CAMTA1: variants seen among roughly 807,000 people sequenced by gnomAD.
CAMTA1 encodes the protein calmodulin-binding transcription activator 1.
A neutral mutation model predicts 170.9 loss-of-function variants in CAMTA1; 27 were observed. The ratio of observed to expected loss-of-function variants is 0.16; its 90% CI spans 0.12 to 0.22. The LOEUF (loss-of-function observed/expected upper bound fraction) is 0.22, where lower values mean the gene tolerates loss of function less well. CAMTA1 is among the 10% of genes least tolerant of loss of function. The pLI is 1.00. For synonymous variants in CAMTA1, 833 were observed against 891.5 expected (o/e 0.93, Z 1.17); for missense variants, 1,619 against 2,217.2 (o/e 0.73, Z 5.42).
At chr1:7,225,056 G>A (rs1661452347) in intron 4 of CAMTA1, among the ~76,000 whole-genome samples, 1 of 152,082 alleles carries the variant, frequency 6.6e-6, no homozygotes, top group South Asian at 2.1e-4. Flanking sequence ...GGGCACTGGA[G>A]CCTGGGGCAA....
intron 5 of CAMTA1, among the ~76,000 whole-genome samples, chr1:7,298,926 G>T (rs1399443817): frequency 6.6e-6 from 1 of 152,102 alleles, no homozygotes; most frequent in Non-Finnish European, 1.5e-5. Context: ...TTCCCTTGCC[G>T]ACCAGACCCA....
chr1:7,303,422 A>G (rs1675095184), intron 5 of CAMTA1, among the ~76,000 whole-genome samples: 1 of 152,198 alleles, frequency 6.6e-6, no homozygotes, highest in Admixed American at 6.5e-5. Flanking sequence ...ACATGCACAA[A>G]TATGTTTATG....
chr1:6,798,298 A>G (rs1300955888), intron 1 of CAMTA1, among the ~76,000 whole-genome samples: 1 of 152,146 alleles, frequency 6.6e-6, no homozygotes. Context: ...TAAAAAAGGA[A>G]TATTTAATGG....
intron 4 of CAMTA1, among the ~76,000 whole-genome samples, chr1:7,177,998 C>T (rs1651311458): frequency 6.6e-6 from 1 of 152,094 alleles, no homozygotes; most frequent in Admixed American, 6.5e-5. Flanking sequence ...GAGGCTCCTC[C>T]TACACACTGA....
chr1:7,431,152 C>T (rs548179049), intron 5 of CAMTA1, among the ~76,000 whole-genome samples: 3 of 152,266 alleles, frequency 2.0e-5, no homozygotes, highest in South Asian at 2.1e-4. Flanking sequence ...GGCTTTCTGC[C>T]GACTCAGAGA....
At chr1:6,861,577 A>G (rs1280741450) in intron 3 of CAMTA1, among the ~76,000 whole-genome samples, 4 of 152,158 alleles carry the variant, frequency 2.6e-5, no homozygotes, top group African/African-American at 7.2e-5. Context: ...CGTGTAACCC[A>G]TTTACATTGA....
At chr1:7,020,437 C>T (rs754092772) in intron 3 of CAMTA1, among the ~76,000 whole-genome samples, 1 of 152,178 alleles carries the variant, frequency 6.6e-6, no homozygotes, top group Non-Finnish European at 1.5e-5. Context: ...GAGGCTATCC[C>T]CTCTAGGTTT....
chr1:7,661,809 A>G lies in CAMTA1; in HGVS notation c.748A>G (p.Ser250Gly), dbSNP rs1172774867. Residue 250 changes from serine to glycine, a missense_variant, in exon 8 of 23, where the codon AGC becomes GGC. Around this residue, in one of 8 missense-constraint regions of CAMTA1, gnomAD observed 731 missense variants for 907.6 expected, o/e 0.81. Coordinates refer to ENST00000303635, the MANE Select transcript of CAMTA1 (RefSeq NM_015215.4). The part of the protein sequence containing the change: ...VEQLVQQILD[S>G]HQTKPQPRTH... ...ACAGCTGGTGCAGCAGATCCTCGACAGCCACCAGACCAAGCCCCAGCCGCG... is the reference window on the plus strand; with the variant it reads ...ACAGCTGGTGCAGCAGATCCTCGACGGCCACCAGACCAAGCCCCAGCCGCG... The G allele has an allele frequency of 6.8e-6, 11 of 1,613,450 alleles. No homozygotes were observed. Among genetic ancestry groups the G allele is most frequent in the Non-Finnish European group, 9.3e-6 (11 of 1,179,960 alleles).
chr1:7,131,327 T>A lies in CAMTA1; in HGVS notation c.302+39956T>A, dbSNP rs151191576. Among the ~76,000 whole-genome samples, 102 of 152,256 alleles carry A rather than the reference T, an allele frequency of 6.7e-4. 1 individual carries two copies. Among genetic ancestry groups the A allele is most frequent in the Admixed American group, 1.1e-3 (17 of 15,284 alleles). On this transcript the variant is annotated intron_variant, in intron 4 of 22. Transcript: ENST00000303635. ...TCGGTGAAGTAAAATTTGTTGACTA[T>A]TTTTTCATGGTTCATGCTTTTGGCA...
At chr1:7,516,471 G>T (rs1358038806) in intron 6 of CAMTA1, among the ~76,000 whole-genome samples, 1 of 152,216 alleles carries the variant, frequency 6.6e-6, no homozygotes, top group Non-Finnish European at 1.5e-5. Context: ...CCCTCTGCTG[G>T]CTGGGAGAAG....
chr1:6,868,428 C>T, intron 3 of CAMTA1, among the ~76,000 whole-genome samples: 1 of 151,780 alleles, frequency 6.6e-6, no homozygotes, highest in African/African-American at 2.4e-5. Flanking sequence ...CTCCTTTTAG[C>T]TTCTATGACT....
At chr1:7,244,318 C>T (rs181373522) in intron 4 of CAMTA1, among the ~76,000 whole-genome samples, 44 of 152,248 alleles carry the variant, frequency 2.9e-4, no homozygotes, top group African/African-American at 9.9e-4. Flanking sequence ...TCAACCATTG[C>T]GGAAGTCGGT....
At chr1:7,490,562 G>T (rs2093687911) in intron 6 of CAMTA1, among the ~76,000 whole-genome samples, 1 of 152,122 alleles carries the variant, frequency 6.6e-6, no homozygotes, top group Admixed American at 6.5e-5. Context: ...TGAGGCCGGA[G>T]AATCGCTTGA....
chr1:6,877,123 C>T (rs1009955123), intron 3 of CAMTA1, among the ~76,000 whole-genome samples: 1 of 152,130 alleles, frequency 6.6e-6, no homozygotes, highest in Non-Finnish European at 1.5e-5. Context: ...GCAATGTGAC[C>T]GCATAGCTGC....
At position 7,324,943 on chromosome 1, in the gene CAMTA1, C is replaced by T. The variant is rs569774167; in HGVS notation, c.438+75317C>T. On this transcript the variant is annotated intron_variant, in intron 5 of 22. Coordinates refer to ENST00000303635, the MANE Select transcript of CAMTA1 (RefSeq NM_015215.4). ...TCTACAGTTTGACCATCCTTTTGAA[C>T]AATCCATGACCAACCCCCACCCAGG... Among the ~76,000 whole-genome samples the T allele has an allele frequency of 5.3e-5, 8 of 152,208 alleles. No homozygotes were observed. The East Asian group carries it at 1.5e-3, about 29-fold the overall frequency.
chr1:7,549,074 G>C (rs2094759214), intron 6 of CAMTA1, among the ~76,000 whole-genome samples: 1 of 143,842 alleles, frequency 7.0e-6, no homozygotes, highest in South Asian at 2.3e-4. Context: ...TGCCCATGGA[G>C]GGTGCCTCCT....
chr1:7,594,569 C>G (rs1557973598), intron 6 of CAMTA1, among the ~76,000 whole-genome samples: 1 of 152,210 alleles, frequency 6.6e-6, no homozygotes, highest in African/African-American at 2.4e-5. Context: ...TTTGCAAAGT[C>G]TGGGCTGGCG....
rs1420018458 is a variant in CAMTA1 at position 7,480,186 on chromosome 1, CAT to C, written c.510+12286_510+12287del. Among the ~76,000 whole-genome samples, 6 of 108,640 alleles carry C rather than the reference CAT, an allele frequency of 5.5e-5. No homozygotes were observed. The East Asian group carries it at 1.5e-3, about 28-fold the overall frequency. 71.3% of individuals were successfully genotyped at this position (108,640 alleles called of 152,430 possible). ...ATGTGTGTGTGCTTGTGTCTCAGTG[CAT>C]GTGTGTGCATGTGTGTGAGTGCATG... On this transcript the variant is annotated intron_variant, in intron 6 of 22. Transcript: ENST00000303635.
intron 3 of CAMTA1, among the ~76,000 whole-genome samples, chr1:7,089,410 G>A (rs1641176226): frequency 6.6e-6 from 1 of 152,118 alleles, no homozygotes; most frequent in South Asian, 2.1e-4. Context: ...CAAAGTTTTA[G>A]TCAGGAACTG....
Sources: allele counts gnomAD v4.1 joint callset (sites outside exome capture counted in the v4.1 genomes callset), GRCh38; gene constraint gnomAD v4.1.1; regional missense constraint gnomAD v4.1.1; transcripts MANE v1.5; gene names NCBI Gene and HGNC (gene_info 2026-07-23, HGNC 2026-07-21).